The following MTUS2 variants were observed in gnomAD, a reference collection of about 807,000 sequenced individuals.
MTUS2 encodes the protein microtubule-associated tumor suppressor candidate 2.
MTUS2 carries 40 observed loss-of-function variants against 114.1 expected under a neutral mutation model. The observed-to-expected ratio is 0.35, with a 90% CI of 0.27 to 0.46. The LOEUF (loss-of-function observed/expected upper bound fraction) is 0.46, where lower values mean the gene tolerates loss of function less well. MTUS2 is among the 20% of genes least tolerant of loss of function. The probability of loss-of-function intolerance (pLI) is 1.00; values close to 1 mark genes in which losing one functional copy is unlikely to be tolerated. For synonymous variants in MTUS2, 688 were observed against 672.0 expected (o/e 1.02, Z -0.37); for missense variants, 1,679 against 1,705.4 (o/e 0.98, Z 0.27).
At chr13:29,149,259 A>G (rs1892569753) in intron 5 of MTUS2, among the ~76,000 whole-genome samples, 1 of 152,106 alleles carries the variant, frequency 6.6e-6, no homozygotes, top group Non-Finnish European at 1.5e-5. Context: ...TTTGATTTGC[A>G]TTTCTCTAAT....
intron 2 of MTUS2, among the ~76,000 whole-genome samples, chr13:28,860,327 G>A (rs187082736): frequency 6.6e-6 from 1 of 152,306 alleles, no homozygotes; most frequent in Admixed American, 6.5e-5. Context: ...GAATCAGGTT[G>A]TTTGACTTTC....
At chr13:29,105,200 G>A (rs1360962337) in intron 5 of MTUS2, among the ~76,000 whole-genome samples, 2 of 152,172 alleles carry the variant, frequency 1.3e-5, no homozygotes, top group Non-Finnish European at 2.9e-5. Flanking sequence ...CAAGAATTTT[G>A]GATAAGGGAT....
At chr13:29,034,244 G>A (rs1593404440) in intron 4 of MTUS2, 119 bp downstream of exon 4, 2 of 1,337,442 alleles carry the variant, frequency 1.5e-6, no homozygotes, top group East Asian at 4.7e-5. Context: ...GCCTTTTTCT[G>A]TTCTTCCATA....
chr13:28,871,883 C>G (rs954634947), intron 2 of MTUS2, among the ~76,000 whole-genome samples: 2 of 152,006 alleles, frequency 1.3e-5, no homozygotes, highest in African/African-American at 4.8e-5. Context: ...GACAGAAAAG[C>G]AAGTGCAAAG....
At chr13:29,050,364 T>A (rs1887835329) in intron 4 of MTUS2, among the ~76,000 whole-genome samples, 2 of 152,128 alleles carry the variant, frequency 1.3e-5, no homozygotes, top group South Asian at 4.1e-4. Context: ...AAGAAGCTTA[T>A]TCCAGCCACC....
At chr13:29,350,223 C>T (rs1304838444) in intron 7 of MTUS2, among the ~76,000 whole-genome samples, 2 of 151,872 alleles carry the variant, frequency 1.3e-5, no homozygotes, top group African/African-American at 4.8e-5. Flanking sequence ...CTCAAATTAT[C>T]ACAAGGCTAA....
chr13:28,877,207 A>G (rs1877995847), intron 2 of MTUS2, among the ~76,000 whole-genome samples: 1 of 151,358 alleles, frequency 6.6e-6, no homozygotes. Flanking sequence ...AGTCCCAGCT[A>G]CTCAGGAGGC....
chr13:29,166,710 C>T (rs553591704), intron 5 of MTUS2, among the ~76,000 whole-genome samples: 1 of 152,218 alleles, frequency 6.6e-6, no homozygotes, highest in Non-Finnish European at 1.5e-5. Flanking sequence ...TCTTTTTAGA[C>T]TTTAGCTTCC....
rs182990692 is a variant in MTUS2 at position 29,234,327 on chromosome 13, C to T, written c.2645-47377C>T. Among the ~76,000 whole-genome samples the T allele has an allele frequency of 2.4e-4, 37 of 152,182 alleles. No homozygotes were observed. In the East Asian group the frequency reaches 6.6e-3, roughly 27 times the overall value. On this transcript the variant is annotated intron_variant, in intron 5 of 15. Coordinates refer to ENST00000612955, the MANE Select transcript of MTUS2 (RefSeq NM_001033602.4). ...GGATTCCACCGAAGACTCCTCCACA[C>T]GTGATATTGGTAAATGCACATAGAC... is the stretch of plus-strand genomic sequence containing the variant.
intron 1 of MTUS2, among the ~76,000 whole-genome samples, chr13:28,827,426 C>T (rs1328644973): frequency 2.0e-5 from 3 of 152,034 alleles, no homozygotes; most frequent in South Asian, 2.1e-4. Flanking sequence ...TGTCCTCTAC[C>T]CCCAAACTTT....
At chr13:28,965,644 G>T (rs1320739709) in intron 2 of MTUS2, among the ~76,000 whole-genome samples, 1 of 152,096 alleles carries the variant, frequency 6.6e-6, no homozygotes, top group Non-Finnish European at 1.5e-5. Flanking sequence ...GATAAGAGAG[G>T]TTTATTTTAA....
chr13:29,345,132 G>A (rs1291707762), intron 7 of MTUS2, among the ~76,000 whole-genome samples: 1 of 152,100 alleles, frequency 6.6e-6, no homozygotes, highest in Non-Finnish European at 1.5e-5. Context: ...ATGACTAGGT[G>A]CCTAGGCAAT....
chr13:29,216,703 A>G (rs1319494665), intron 5 of MTUS2, among the ~76,000 whole-genome samples: 2 of 152,190 alleles, frequency 1.3e-5, no homozygotes, highest in Non-Finnish European at 2.9e-5. Flanking sequence ...CTGTCTAACC[A>G]GTCCCAATGT....
intron 5 of MTUS2, among the ~76,000 whole-genome samples, chr13:29,172,229 A>G (rs1893593734): frequency 6.6e-6 from 1 of 152,212 alleles, no homozygotes; most frequent in Admixed American, 6.5e-5. Flanking sequence ...CTGAGCCTCA[A>G]TCCCATCATT....
chr13:28,914,135 TTTCTTGTC>T (rs1445579765), intron 2 of MTUS2, among the ~76,000 whole-genome samples: 2 of 152,140 alleles, frequency 1.3e-5, no homozygotes, highest in East Asian at 1.9e-4. Context: ...ATCTTGGTTA[TTTCTTGTC>T]TTCTCCTAGC....
intron 8 of MTUS2, among the ~76,000 whole-genome samples, chr13:29,360,682 C>T (rs1447739993): frequency 3.2e-5 from 3 of 92,334 alleles, no homozygotes; most frequent in Admixed American, 3.2e-4. Context: ...CATAAAGTAG[C>T]CGAACACCCC....
At chr13:29,321,636 A>C (rs558890312) in intron 6 of MTUS2, among the ~76,000 whole-genome samples, 81 of 152,322 alleles carry the variant, frequency 5.3e-4, no homozygotes, top group African/African-American at 1.8e-3. Flanking sequence ...TGGATCAGAC[A>C]AATTATTTTC....
At chr13:29,344,266 T>C (rs1868441300) in intron 7 of MTUS2, among the ~76,000 whole-genome samples, 1 of 152,074 alleles carries the variant, frequency 6.6e-6, no homozygotes, top group African/African-American at 2.4e-5. Context: ...CCCGCTGTTA[T>C]TGTGCTGCCA....
In MTUS2 at chr13:28,908,427, T is replaced by C. The variant is rs149904721; in HGVS notation, c.-243+68577T>C. On this transcript the variant is annotated intron_variant, in intron 2 of 15. Transcript: ENST00000612955. ...TGTCCTTGTGATAGTTTGCTGAGAATGATGGTTTCCAGCTTCATCCATGTC... is the reference window on the plus strand; with the variant it reads ...TGTCCTTGTGATAGTTTGCTGAGAACGATGGTTTCCAGCTTCATCCATGTC... Among the ~76,000 whole-genome samples, 1,312 of 151,628 alleles carry C rather than the reference T, an allele frequency of 8.7e-3. 58 individuals are homozygous for C. The highest frequency in any genetic ancestry group is 0.034 in the East Asian group (177 of 5,182).
Sources: gnomAD v4.1 joint callset for allele counts (sites outside exome capture counted in the v4.1 genomes callset) on GRCh38, gnomAD v4.1.1 for gene constraint, MANE v1.5 for transcripts, NCBI Gene and HGNC (gene_info 2026-07-23, HGNC 2026-07-21) for gene names.